The following ADGRL3 variants were observed in gnomAD, a reference collection of about 807,000 sequenced individuals.
ADGRL3 encodes the protein adhesion G protein-coupled receptor L3.
ADGRL3 carries 62 observed loss-of-function variants against 153.5 expected under a neutral mutation model. The observed-to-expected ratio is 0.40, with a 90% CI of 0.33 to 0.50. ADGRL3 has a LOEUF of 0.50. ADGRL3 is among the 20% of genes least tolerant of loss of function. The pLI is 0.47. For synonymous variants in ADGRL3, 710 were observed against 672.5 expected, an observed-to-expected ratio of 1.06 and a Z score of -0.86; for missense variants, 1,641 against 1,859.4, an observed-to-expected ratio of 0.88 and a Z score of 2.16.
chr4:61,784,926 C>T (rs550451161), intron 8 of ADGRL3, among the ~76,000 whole-genome samples: 1 of 151,982 alleles, frequency 6.6e-6, no homozygotes, highest in African/African-American at 2.4e-5. Flanking sequence ...GCCTCAGTAC[C>T]CTTATCAGTA....
At chr4:61,377,319 A>G (rs1015036039) in intron 1 of ADGRL3, among the ~76,000 whole-genome samples, 1 of 152,060 alleles carries the variant, frequency 6.6e-6, no homozygotes, top group Non-Finnish European at 1.5e-5. Flanking sequence ...GTATTTATGT[A>G]AACAAAACTT....
At chr4:61,792,694 T>C (rs1034487063) in intron 8 of ADGRL3, among the ~76,000 whole-genome samples, 9 of 151,938 alleles carry the variant, frequency 5.9e-5, no homozygotes, top group Non-Finnish European at 5.9e-5. Flanking sequence ...TTCACCATGT[T>C]GGTCATGCTG....
At chr4:61,714,277 TA>T (rs1241334634) in intron 6 of ADGRL3, among the ~76,000 whole-genome samples, 1 of 148,006 alleles carries the variant, frequency 6.8e-6, no homozygotes, top group African/African-American at 2.5e-5. Flanking sequence ...AAGTGACAGC[TA>T]AATAAATATA....
chr4:61,516,346 C>T (rs1329526178), intron 3 of ADGRL3, among the ~76,000 whole-genome samples: 1 of 144,556 alleles, frequency 6.9e-6, no homozygotes, highest in Admixed American at 7.0e-5. Flanking sequence ...TGTTTTTATA[C>T]ATGCATGTTA....
At chr4:61,581,125 G>A (rs2098922972) in intron 4 of ADGRL3, among the ~76,000 whole-genome samples, 1 of 152,076 alleles carries the variant, frequency 6.6e-6, no homozygotes, top group Non-Finnish European at 1.5e-5. Context: ...AGAATATTTT[G>A]AAAGTTAGGT....
chr4:61,683,859 G>A (rs887107854), intron 6 of ADGRL3, among the ~76,000 whole-genome samples: 1 of 152,064 alleles, frequency 6.6e-6, no homozygotes, highest in Admixed American at 6.6e-5. Context: ...CGAACTCCTA[G>A]GCTCTAAGGA....
At chr4:61,201,810 G>C in intron 1 of ADGRL3, 45 bp downstream of exon 1, 1 of 152,698 alleles carries the variant, frequency 6.5e-6, no homozygotes, top group South Asian at 2.1e-4. Flanking sequence ...CGCCCTGGCC[G>C]GGCGCAGGCG....
At chr4:61,861,657 A>C (rs918371933) in intron 9 of ADGRL3, among the ~76,000 whole-genome samples, 1 of 152,056 alleles carries the variant, frequency 6.6e-6, no homozygotes, top group African/African-American at 2.4e-5. Flanking sequence ...GAGCAGAATA[A>C]AATGATAGTT....
rs1290444342 is a variant in ADGRL3 at position 61,327,261 on chromosome 4, A to G, written c.-239-55863A>G. Among the ~76,000 whole-genome samples the G allele has an allele frequency of 2.0e-5, 3 of 150,958 alleles. No individual in the cohort carries two copies. The East Asian group carries it at 5.8e-4, about 29-fold the overall frequency. ...TTTTTCCCTATTGTCCTTATTTTTA[A>G]TTTATGTACATCCAGAGCTTCAAAA... On this transcript the variant is annotated intron_variant, in intron 1 of 26. Coordinates refer to ENST00000683033, the MANE Select transcript of ADGRL3 (RefSeq NM_001387552.1).
intron 8 of ADGRL3, among the ~76,000 whole-genome samples, chr4:61,752,990 G>C (rs1303722265): frequency 6.6e-6 from 1 of 151,950 alleles, no homozygotes; most frequent in Non-Finnish European, 1.5e-5. Flanking sequence ...ATTGTGTACT[G>C]AACCTATTAT....
intron 4 of ADGRL3, among the ~76,000 whole-genome samples, chr4:61,533,199 T>C (rs886964534): frequency 6.6e-6 from 1 of 152,146 alleles, no homozygotes; most frequent in Non-Finnish European, 1.5e-5. Context: ...CAGTAAAATG[T>C]ATATATGATG....
chr4:61,736,152 TC>T (rs1271588128), intron 8 of ADGRL3, among the ~76,000 whole-genome samples: 1 of 151,964 alleles, frequency 6.6e-6, no homozygotes, highest in Non-Finnish European at 1.5e-5. Context: ...TAGTCATGTA[TC>T]CCCCTCCATA....
chr4:61,346,907 G>T (rs1363753027), intron 1 of ADGRL3, among the ~76,000 whole-genome samples: 1 of 151,926 alleles, frequency 6.6e-6, no homozygotes, highest in Non-Finnish European at 1.5e-5. Context: ...ATTTTTAGAG[G>T]TCTTAATTAT....
intron 3 of ADGRL3, among the ~76,000 whole-genome samples, chr4:61,511,909 A>G (rs1274795922): frequency 1.3e-5 from 2 of 152,170 alleles, no homozygotes; most frequent in East Asian, 3.9e-4. Flanking sequence ...AGAGATTACT[A>G]CCCAGCCTAT....
intron 2 of ADGRL3, among the ~76,000 whole-genome samples, chr4:61,406,993 T>C (rs2097008431): frequency 6.6e-6 from 1 of 152,052 alleles, no homozygotes; most frequent in African/African-American, 2.4e-5. Context: ...AATAAAATAT[T>C]ATGGATACGA....
At chr4:61,646,047 C>T (rs548333117) in intron 5 of ADGRL3, among the ~76,000 whole-genome samples, 162 of 152,266 alleles carry the variant, frequency 1.1e-3, no homozygotes, top group African/African-American at 3.4e-3. Flanking sequence ...CATCTTCCAT[C>T]GCTGATACCC....
intron 5 of ADGRL3, among the ~76,000 whole-genome samples, chr4:61,670,627 T>C (rs2094958194): frequency 6.6e-6 from 1 of 152,058 alleles, no homozygotes. Context: ...TGGGATTTAT[T>C]AAGTGACAGA....
At chr4:61,317,849 C>G (rs140963165) in intron 1 of ADGRL3, among the ~76,000 whole-genome samples, 1 of 152,148 alleles carries the variant, frequency 6.6e-6, no homozygotes, top group African/African-American at 2.4e-5. Context: ...CAAAAACTTA[C>G]AAGACAACTA....
At position 62,074,701 on chromosome 4, in the gene ADGRL3, T is replaced by G. The variant is rs532677505; in HGVS notation, c.*3793T>G. 100 of 152,030 alleles carry G rather than the reference T, an allele frequency of 6.6e-4. No homozygotes were observed. Among genetic ancestry groups the G allele is most frequent in the African/African-American group, 2.4e-3 (99 of 41,486 alleles). The allele number at this position is 152,030 out of a possible 1,614,324, so 9.4% of individuals were successfully genotyped here. A position where few individuals can be genotyped will look rare whatever the true frequency, so the allele number is the denominator to read the frequency against. On this transcript the variant is annotated 3_prime_UTR_variant, in exon 27 of 27. Coordinates refer to ENST00000683033, the MANE Select transcript of ADGRL3 (RefSeq NM_001387552.1). ...TAAGGGAAATATCCTTAACTTCCTG[T>G]AAAAAAAATTCACATTGACTCTAAA...
Sources: gnomAD v4.1 joint callset for allele counts (sites outside exome capture counted in the v4.1 genomes callset) on GRCh38, gnomAD v4.1.1 for gene constraint, MANE v1.5 for transcripts, NCBI Gene and HGNC (gene_info 2026-07-23, HGNC 2026-07-21) for gene names.